CA10: variants seen among roughly 807,000 people sequenced by gnomAD.
CA10 encodes the protein carbonic anhydrase 10 (inactive), also known as carbonic anhydrase-related protein 10.
A neutral mutation model predicts 44.2 loss-of-function variants in CA10; 14 were observed. That is an observed-to-expected ratio of 0.32 (90% confidence interval 0.21 to 0.50). The LOEUF is 0.50. Among genes scored for constraint, CA10 ranks in the 20% least tolerant of loss-of-function variants. The probability of loss-of-function intolerance (pLI) is 0.99; values close to 1 mark genes in which losing one functional copy is unlikely to be tolerated. For missense variants in CA10, 350 were observed against 409.7 expected (o/e 0.85, Z 1.26); for synonymous variants, 159 against 141.6 (o/e 1.12, Z -0.87).
chr17:51,792,715 T>C (rs1906567579), intron 3 of CA10, among the ~76,000 whole-genome samples: 9 of 152,218 alleles, frequency 5.9e-5, no homozygotes, highest in Admixed American at 5.2e-4. Context: ...GTCTGCATTA[T>C]ACAGTGAGGA....
At chr17:51,696,205 G>A (rs1274431704) in intron 4 of CA10, among the ~76,000 whole-genome samples, 3 of 151,882 alleles carry the variant, frequency 2.0e-5, no homozygotes, top group Non-Finnish European at 2.9e-5. Flanking sequence ...GAGGAGTCCC[G>A]CCTCCTTGAT....
At position 51,957,793 on chromosome 17, in the gene CA10, T is replaced by C. The variant is rs576316610; in HGVS notation, c.137-26661A>G. 2.2e-4 allele frequency among the ~76,000 whole-genome samples: 33 copies of C among 152,304 alleles called. No individual in the cohort carries two copies. The East Asian group carries it at 6.0e-3, about 28-fold the overall frequency. ...CATGCATTTGCAAGCCTCCAAGCCT[T>C]TGCAGATACTCCTGCTTTGAATGAC... On this transcript the variant is annotated intron_variant, in intron 2 of 8. Coordinates refer to ENST00000451037, the MANE Select transcript of CA10 (RefSeq NM_020178.5).
At chr17:52,029,600 C>T (rs1410678852) in intron 2 of CA10, among the ~76,000 whole-genome samples, 1 of 152,022 alleles carries the variant, frequency 6.6e-6, no homozygotes, top group African/African-American at 2.4e-5. Context: ...TGTAAAACAC[C>T]AAAGATTGCC....
At chr17:51,881,326 C>A (rs754195119) in intron 3 of CA10, among the ~76,000 whole-genome samples, 33 of 148,526 alleles carry the variant, frequency 2.2e-4, no homozygotes, top group Non-Finnish European at 4.9e-4. Flanking sequence ...ATATAAAAAA[C>A]CATAATGATT....
intron 4 of CA10, among the ~76,000 whole-genome samples, chr17:51,708,858 A>G (rs1426740383): frequency 2.0e-5 from 3 of 152,180 alleles, no homozygotes; most frequent in African/African-American, 4.8e-5. Context: ...TTGGACCTAT[A>G]CCAGTGGTTT....
intron 4 of CA10, among the ~76,000 whole-genome samples, chr17:51,654,980 T>TG (rs1173534476): frequency 1.3e-5 from 2 of 152,200 alleles, no homozygotes; most frequent in Non-Finnish European, 2.9e-5. Flanking sequence ...TACATCCTTG[T>TG]GGTTACTTGT....
intron 4 of CA10, among the ~76,000 whole-genome samples, chr17:51,698,696 T>C (rs781196320): frequency 6.6e-6 from 1 of 152,314 alleles, no homozygotes; most frequent in South Asian, 2.1e-4. Flanking sequence ...TACTGTACCC[T>C]TTGCCCAGAT....
chr17:51,971,186 T>C (rs964987859), intron 2 of CA10, among the ~76,000 whole-genome samples: 6 of 152,070 alleles, frequency 3.9e-5, no homozygotes, highest in South Asian at 2.1e-4. Flanking sequence ...CATATTTCCA[T>C]GAGGAGTGCC....
intron 2 of CA10, among the ~76,000 whole-genome samples, chr17:52,055,437 A>G (rs1271359926): frequency 6.6e-6 from 1 of 152,050 alleles, no homozygotes; most frequent in Non-Finnish European, 1.5e-5. Context: ...TGTGAGAAAG[A>G]ATAGAAATAA....
chr17:51,896,334 CAT>C (rs980261243), intron 3 of CA10, among the ~76,000 whole-genome samples: 89 of 152,188 alleles, frequency 5.8e-4, no homozygotes, highest in African/African-American at 1.9e-3. Context: ...TCAGTGAAAA[CAT>C]GTGGTATTTC....
chr17:52,085,134 T>G (rs757859200), intron 1 of CA10, among the ~76,000 whole-genome samples: 1 of 152,230 alleles, frequency 6.6e-6, no homozygotes, highest in Non-Finnish European at 1.5e-5. Flanking sequence ...TCCTAGCTGA[T>G]ACACACTTGC....
chr17:51,809,541 T>C (rs1337746125), intron 3 of CA10, among the ~76,000 whole-genome samples: 1 of 152,178 alleles, frequency 6.6e-6, no homozygotes, highest in African/African-American at 2.4e-5. Flanking sequence ...TTTACTAACA[T>C]GCTCTTTGTA....
intron 4 of CA10, among the ~76,000 whole-genome samples, chr17:51,742,573 G>A (rs1001222802): frequency 4.6e-5 from 7 of 152,154 alleles, no homozygotes; most frequent in African/African-American, 1.4e-4. Flanking sequence ...GACAAGGCCT[G>A]CATTTTCTGT....
chr17:51,840,075 ATATTGG>A (rs1415507245), intron 3 of CA10, among the ~76,000 whole-genome samples: 1 of 152,226 alleles, frequency 6.6e-6, no homozygotes, highest in African/African-American at 2.4e-5. Context: ...CTAGATTTGA[ATATTGG>A]GTCCATAACT....
In CA10 at chr17:52,138,821, T is replaced by C. The variant is rs536033972; in HGVS notation, c.61+18905A>G. Reference sequence around the variant, plus strand: ...CCTACCCTCAGACTCTGTGAGCACCTCAAGTGCTTTAATAAAAAATTTTTT... The same window carrying C: ...CCTACCCTCAGACTCTGTGAGCACCCCAAGTGCTTTAATAAAAAATTTTTT... On this transcript the variant is annotated intron_variant, in intron 1 of 8. Transcript: ENST00000451037. 4.0e-4 allele frequency among the ~76,000 whole-genome samples: 61 copies of C among 152,292 alleles called. 1 individual carries two copies. The South Asian group carries it at 0.013, about 32-fold the overall frequency.
intron 3 of CA10, among the ~76,000 whole-genome samples, chr17:51,918,513 A>C (rs1458685390): frequency 6.6e-6 from 1 of 152,214 alleles, no homozygotes; most frequent in Non-Finnish European, 1.5e-5. Flanking sequence ...ACTGGTAAAA[A>C]TGAAATCATG....
At chr17:51,836,699 C>A (rs2143796258) in intron 3 of CA10, among the ~76,000 whole-genome samples, 1 of 152,276 alleles carries the variant, frequency 6.6e-6, no homozygotes, top group African/African-American at 2.4e-5. Flanking sequence ...TTAAGGATCT[C>A]TCAGTGTATG....
intron 4 of CA10, among the ~76,000 whole-genome samples, chr17:51,670,148 T>G (rs1914362375): frequency 6.6e-6 from 1 of 152,212 alleles, no homozygotes; most frequent in South Asian, 2.1e-4. Context: ...TTAAACCTCT[T>G]TTCTTTATAA....
intron 2 of CA10, among the ~76,000 whole-genome samples, chr17:52,000,667 T>C (rs930764583): frequency 4.0e-5 from 6 of 151,894 alleles, no homozygotes; most frequent in African/African-American, 1.4e-4. Context: ...ATAATCAAAT[T>C]CACTGAAATA....
Sources: allele counts gnomAD v4.1 joint callset (sites outside exome capture counted in the v4.1 genomes callset), GRCh38; gene constraint gnomAD v4.1.1; transcripts MANE v1.5; gene names NCBI Gene and HGNC (gene_info 2026-07-23, HGNC 2026-07-21).